Variants in ZBTB7C observed in about 807,000 individuals in gnomAD.
ZBTB7C encodes the protein zinc finger and BTB domain-containing protein 7C.
In ZBTB7C, 8 loss-of-function variants were observed where a neutral mutation model predicts 25.7. The ratio of observed to expected loss-of-function variants is 0.31; its 90% CI spans 0.18 to 0.56. ZBTB7C has a LOEUF of 0.56. Ranked by LOEUF, ZBTB7C falls within the 20% of genes least tolerant of loss-of-function variation. The pLI is 0.91. For synonymous variants in ZBTB7C, 394 were observed against 369.0 expected (o/e 1.07, Z -0.78); for missense variants, 824 against 855.2 (o/e 0.96, Z 0.46).
chr18:48,399,557 T>C (rs374126542), intron 1 of ZBTB7C, among the ~76,000 whole-genome samples: 18 of 152,182 alleles, frequency 1.2e-4, no homozygotes, highest in African/African-American at 3.6e-4. Flanking sequence ...CAGCTGGCTC[T>C]GGCCCTGGGC....
At chr18:48,399,636 T>TAG (rs2048114321) in intron 1 of ZBTB7C, among the ~76,000 whole-genome samples, 1 of 152,198 alleles carries the variant, frequency 6.6e-6, no homozygotes, top group African/African-American at 2.4e-5. Flanking sequence ...AAGCAGTTCT[T>TAG]AGAGCAGGCA....
At chr18:48,296,661 C>T (rs2045400261) in intron 2 of ZBTB7C, among the ~76,000 whole-genome samples, 1 of 152,220 alleles carries the variant, frequency 6.6e-6, no homozygotes. Context: ...TGTCCTATGA[C>T]ACACATGTCC....
At chr18:48,228,623 C>T (rs2043166589) in intron 2 of ZBTB7C, among the ~76,000 whole-genome samples, 1 of 152,042 alleles carries the variant, frequency 6.6e-6, no homozygotes. Flanking sequence ...ACTGTGGTTG[C>T]CGCCCCCCTG....
At chr18:48,111,299 A>T (rs900412653) in intron 3 of ZBTB7C, among the ~76,000 whole-genome samples, 9 of 152,222 alleles carry the variant, frequency 5.9e-5, no homozygotes, top group Non-Finnish European at 1.0e-4. Flanking sequence ...ATTCAATAAG[A>T]AAAGGAATGC....
At chr18:48,336,324 A>T (rs924650003) in intron 2 of ZBTB7C, among the ~76,000 whole-genome samples, 1 of 152,108 alleles carries the variant, frequency 6.6e-6, no homozygotes, top group Non-Finnish European at 1.5e-5. Context: ...CTCACCCCCC[A>T]CCAGACTGTG....
chr18:48,129,076 G>A (rs1568240945), intron 3 of ZBTB7C, among the ~76,000 whole-genome samples: 1 of 152,082 alleles, frequency 6.6e-6, no homozygotes, highest in Admixed American at 6.6e-5. Flanking sequence ...TAGATGGGAT[G>A]ATTTCGGAAC....
chr18:48,164,885 C>T (rs931445243), intron 3 of ZBTB7C, among the ~76,000 whole-genome samples: 14 of 152,258 alleles, frequency 9.2e-5, no homozygotes, highest in African/African-American at 3.4e-4. Flanking sequence ...CCCTACATCC[C>T]ACCAAGTTGG....
At chr18:48,394,431 G>C (rs751556656) in intron 1 of ZBTB7C, among the ~76,000 whole-genome samples, 5 of 152,198 alleles carry the variant, frequency 3.3e-5, no homozygotes, top group Non-Finnish European at 5.9e-5. Context: ...TCAAGCTGAA[G>C]GGTAGGGGGT....
intron 2 of ZBTB7C, among the ~76,000 whole-genome samples, chr18:48,305,665 A>T (rs2144765077): frequency 6.6e-6 from 1 of 152,278 alleles, no homozygotes; most frequent in East Asian, 1.9e-4. Context: ...AAGTAAGTGG[A>T]AATACTCCAA....
chr18:48,145,937 G>T (rs2040485784), intron 3 of ZBTB7C, among the ~76,000 whole-genome samples: 1 of 152,152 alleles, frequency 6.6e-6, no homozygotes, highest in African/African-American at 2.4e-5. Flanking sequence ...TAAACCATTG[G>T]AAAGTAAGAA....
At chr18:48,324,483 G>A (rs933409165) in intron 2 of ZBTB7C, among the ~76,000 whole-genome samples, 4 of 152,090 alleles carry the variant, frequency 2.6e-5, no homozygotes, top group Admixed American at 1.3e-4. Context: ...ATTTACAACT[G>A]TGATGCTATG....
At position 48,040,673 on chromosome 18, in the gene ZBTB7C, G is replaced by T. The variant is rs144374638; in HGVS notation, c.435C>A (p.Asp145Glu). The change falls in exon 4 of 5, where the codon GAC becomes GAA. Residue 145 changes from aspartate (D) to glutamate (E), a missense_variant. Asp to Glu is a conservative substitution (Grantham distance 45). Transcript: ENST00000590800. The stretch of plus-strand genomic sequence containing the variant: ...CGTCCTCCTCATCATCATCATCTTC[G>T]TCGTCGTCATCGTCCTCCTTGTCAT... ...EEDDKEDDDDDEDDDDEEDEE... is the reference protein window; with the variant it reads ...EEDDKEDDDDEEDDDDEEDEE... 5 of 1,612,826 alleles carry T rather than the reference G, an allele frequency of 3.1e-6. No individual in the cohort carries two copies. The highest frequency in any genetic ancestry group is 4.2e-6 in the Non-Finnish European group (5 of 1,179,656).
intron 1 of ZBTB7C, among the ~76,000 whole-genome samples, chr18:48,382,989 C>T (rs1017925517): frequency 2.6e-5 from 4 of 152,102 alleles, no homozygotes; most frequent in Admixed American, 2.0e-4. Flanking sequence ...TCAAATTTGG[C>T]GTGATATTTT....
At chr18:48,171,114 G>A (rs375739083) in intron 3 of ZBTB7C, among the ~76,000 whole-genome samples, 1 of 152,226 alleles carries the variant, frequency 6.6e-6, no homozygotes, top group African/African-American at 2.4e-5. Context: ...CTTGGCAGTA[G>A]AAGAAGATGG....
At chr18:48,036,654 C>T (rs1381848065) in intron 4 of ZBTB7C, among the ~76,000 whole-genome samples, 4 of 152,092 alleles carry the variant, frequency 2.6e-5, no homozygotes, top group East Asian at 3.9e-4. Context: ...GTCCTTGCTG[C>T]GGGGACAAGA....
At chr18:48,168,743 A>G (rs2041357324) in intron 3 of ZBTB7C, among the ~76,000 whole-genome samples, 1 of 152,188 alleles carries the variant, frequency 6.6e-6, no homozygotes, top group African/African-American at 2.4e-5. Context: ...TGTTTGGGAC[A>G]ATGTTCTAGT....
At chr18:48,316,330 G>A (rs940574228) in intron 2 of ZBTB7C, among the ~76,000 whole-genome samples, 16 of 152,088 alleles carry the variant, frequency 1.1e-4, no homozygotes, top group African/African-American at 2.7e-4. Context: ...CTGAAGAGCC[G>A]GGACCCCATC....
At chr18:48,404,624 G>A (rs1033565856) in intron 1 of ZBTB7C, among the ~76,000 whole-genome samples, 5 of 152,154 alleles carry the variant, frequency 3.3e-5, no homozygotes, top group Admixed American at 6.5e-5. Context: ...TGGGGTTAGC[G>A]GTATGGAGGG....
chr18:48,183,624 C>A (rs1337786040), intron 3 of ZBTB7C, among the ~76,000 whole-genome samples: 1 of 152,184 alleles, frequency 6.6e-6, no homozygotes, highest in Non-Finnish European at 1.5e-5. Flanking sequence ...GAGTGGTGCT[C>A]ACACGCATGA....
Sources: gnomAD v4.1 joint callset for allele counts (sites outside exome capture counted in the v4.1 genomes callset) on GRCh38, gnomAD v4.1.1 for gene constraint, MANE v1.5 for transcripts, NCBI Gene and HGNC (gene_info 2026-07-23, HGNC 2026-07-21) for gene names.